The following KIT variants were observed in gnomAD, a reference collection of about 807,000 sequenced individuals.
The protein encoded by KIT is mast/stem cell growth factor receptor Kit.
KIT carries 16 observed loss-of-function variants against 105.7 expected under a neutral mutation model. The ratio of observed to expected loss-of-function variants is 0.15; its 90% CI spans 0.10 to 0.23. KIT has a LOEUF of 0.23. KIT is among the 10% of genes least tolerant of loss of function. KIT has a pLI of 1.00. For missense variants in KIT, 858 were observed against 1,213.8 expected (o/e 0.71, Z 4.36); for synonymous variants, 438 against 441.1 (o/e 0.99, Z 0.09).
chr4:54,716,204 G>A (rs1432394091), intron 7 of KIT, among the ~76,000 whole-genome samples: 3 of 152,238 alleles, frequency 2.0e-5, no homozygotes, highest in East Asian at 3.9e-4. Context: ...GTAAATAATT[G>A]TAAATTTTAA....
At chr4:54,672,457 A>G (rs1292478409) in intron 1 of KIT, among the ~76,000 whole-genome samples, 2 of 152,134 alleles carry the variant, frequency 1.3e-5, no homozygotes, top group Admixed American at 1.3e-4. Flanking sequence ...ATACCTTTCT[A>G]TAATACCCTT....
At chr4:54,735,409 A>G (rs1022582272) in intron 17 of KIT, among the ~76,000 whole-genome samples, 3 of 151,808 alleles carry the variant, frequency 2.0e-5, no homozygotes, top group Admixed American at 6.6e-5. Context: ...CCAGTTTTCA[A>G]TCCTAAATGG....
At chr4:54,686,395 A>G (rs1207281421) in intron 1 of KIT, among the ~76,000 whole-genome samples, 1 of 152,244 alleles carries the variant, frequency 6.6e-6, no homozygotes, top group African/African-American at 2.4e-5. Flanking sequence ...CAGATAGAAC[A>G]TATCTTTAAT....
intron 1 of KIT, among the ~76,000 whole-genome samples, chr4:54,665,392 C>G (rs1322445240): frequency 6.6e-6 from 1 of 152,114 alleles, no homozygotes; most frequent in East Asian, 1.9e-4. Flanking sequence ...AAACTCATGG[C>G]TGCGAGCTAC....
At chr4:54,658,173 A>G in intron 1 of KIT, 92 bp downstream of exon 1, 4 of 1,302,330 alleles carry the variant, frequency 3.1e-6, no homozygotes, top group Middle Eastern at 1.8e-4. Flanking sequence ...ATCCGGAGAG[A>G]GGACTGCGGG....
intron 4 of KIT, among the ~76,000 whole-genome samples, chr4:54,700,161 T>G (rs1720366360): frequency 2.0e-5 from 3 of 152,180 alleles, no homozygotes; most frequent in Non-Finnish European, 4.4e-5. Flanking sequence ...GCCACTTCCA[T>G]ACTTAAAAAG....
chr4:54,695,828 T>C (rs750370388), intron 2 of KIT, 47 bp downstream of exon 2: 2 of 1,610,258 alleles, frequency 1.2e-6, no homozygotes, highest in Non-Finnish European at 1.7e-6. Flanking sequence ...GAATTTAATA[T>C]CCTGCTCTTA....
chr4:54,728,239 G>C, intron 13 of KIT, 118 bp downstream of exon 13: 1 of 759,296 alleles, frequency 1.3e-6, no homozygotes, highest in Non-Finnish European at 2.3e-6. Flanking sequence ...TACCCAGACT[G>C]TTGTTCTCTC....
chr4:54,676,606 G>A (rs1369125054), intron 1 of KIT, among the ~76,000 whole-genome samples: 2 of 152,128 alleles, frequency 1.3e-5, no homozygotes, highest in Admixed American at 6.5e-5. Context: ...GGGAGCAGGG[G>A]AAGAGTGGTA....
intron 5 of KIT, among the ~76,000 whole-genome samples, chr4:54,705,028 G>A (rs755850982): frequency 6.6e-6 from 1 of 152,180 alleles, no homozygotes; most frequent in Non-Finnish European, 1.5e-5. Context: ...GTACTACTTT[G>A]TTCCTAAACA....
intron 7 of KIT, among the ~76,000 whole-genome samples, chr4:54,710,210 C>G (rs1238483889): frequency 6.6e-6 from 1 of 152,330 alleles, no homozygotes; most frequent in Non-Finnish European, 1.5e-5. Context: ...CGATCATGAG[C>G]TGGACCTTTT....
chr4:54,678,305 CTT>C (rs1479033670), intron 1 of KIT, among the ~76,000 whole-genome samples: 1 of 61,834 alleles, frequency 1.6e-5, no homozygotes, highest in African/African-American at 9.3e-5. Flanking sequence ...TCCTTCCTTC[CTT>C]CCTTCCTTCC....
At chr4:54,691,567 T>C (rs910174810) in intron 1 of KIT, among the ~76,000 whole-genome samples, 1 of 152,054 alleles carries the variant, frequency 6.6e-6, no homozygotes, top group Non-Finnish European at 1.5e-5. Context: ...GAGAGGCAGG[T>C]TGGGTCCGGG....
At chr4:54,693,897 T>C (rs1389174600) in intron 1 of KIT, among the ~76,000 whole-genome samples, 1 of 152,166 alleles carries the variant, frequency 6.6e-6, no homozygotes, top group Non-Finnish European at 1.5e-5. Context: ...TCTGACAATC[T>C]ATAGTGTCTT....
chr4:54,676,803 G>A (rs1718509105), intron 1 of KIT, among the ~76,000 whole-genome samples: 2 of 152,026 alleles, frequency 1.3e-5, no homozygotes, highest in Non-Finnish European at 2.9e-5. Context: ...ACCCCCAAAG[G>A]TGTCCAGCTC....
In KIT at chr4:54,714,848, G is replaced by A. The variant is rs370747551; in HGVS notation, c.1231+5309G>A. On this transcript the variant is annotated intron_variant, in intron 7 of 20. Transcript: ENST00000288135. The stretch of plus-strand genomic sequence containing the variant: ...ACTGTGATCCTCACGTGGTGGTGAC[G>A]GGGAGGCAGACATTGAGAACTGAAG... 8.7e-4 allele frequency among the ~76,000 whole-genome samples: 132 copies of A among 152,260 alleles called. 1 individual carries two copies. The South Asian group carries it at 0.025, about 29-fold the overall frequency.
chr4:54,714,854 G>A (rs905562987), intron 7 of KIT, among the ~76,000 whole-genome samples: 1 of 152,138 alleles, frequency 6.6e-6, no homozygotes, highest in African/African-American at 2.4e-5. Flanking sequence ...TGACGGGGAG[G>A]CAGACATTGA....
chr4:54,667,087 G>A (rs1000821788), intron 1 of KIT, among the ~76,000 whole-genome samples: 1 of 152,054 alleles, frequency 6.6e-6, no homozygotes, highest in Non-Finnish European at 1.5e-5. Flanking sequence ...GTGCTATAAC[G>A]CAGCATGTAG....
chr4:54,727,128 T>A (rs891638665), intron 9 of KIT, 90 bp from the exon 10 acceptor site: 4 of 1,028,322 alleles, frequency 3.9e-6, no homozygotes, highest in Admixed American at 3.4e-5. Context: ...GGCTGTGAGT[T>A]GGGAGGTGGG....
Sources: gnomAD v4.1 joint callset for allele counts (sites outside exome capture counted in the v4.1 genomes callset) on GRCh38, gnomAD v4.1.1 for gene constraint, MANE v1.5 for transcripts, NCBI Gene and HGNC (gene_info 2026-07-23, HGNC 2026-07-21) for gene names.